The following SULF1 variants were observed in gnomAD, a reference collection of about 807,000 sequenced individuals.
SULF1 encodes sulfatase 1.
Under a neutral mutation model 110.5 loss-of-function variants are expected in SULF1, and 46 were observed. The observed-to-expected ratio is 0.42, with a 90% CI of 0.33 to 0.53. The LOEUF (loss-of-function observed/expected upper bound fraction) is 0.53. Among genes scored for constraint, SULF1 ranks in the 20% least tolerant of loss-of-function variants. SULF1 has a pLI of 0.12. For synonymous variants in SULF1, 371 were observed against 387.1 expected (o/e 0.96, Z 0.49); for missense variants, 941 against 1,094.2 (o/e 0.86, Z 1.98).
chr8:69,494,196 G>A (rs1810158524), intron 1 of SULF1, among the ~76,000 whole-genome samples: 1 of 152,030 alleles, frequency 6.6e-6, no homozygotes, highest in Non-Finnish European at 1.5e-5. Context: ...TCATTTGTAA[G>A]GCTTTATCAT....
chr8:69,634,628 G>A (rs955881618), intron 19 of SULF1, among the ~76,000 whole-genome samples: 6 of 151,866 alleles, frequency 4.0e-5, no homozygotes, highest in Admixed American at 6.6e-5. Flanking sequence ...AAAATTATCC[G>A]GGCTTGCCTG....
At chr8:69,526,816 A>AGGAAGGAAGGAG (rs1812712570) in intron 3 of SULF1, among the ~76,000 whole-genome samples, 1 of 145,342 alleles carries the variant, frequency 6.9e-6, no homozygotes, top group Non-Finnish European at 1.5e-5. Context: ...GAAGGAAGGA[A>AGGAAGGAAGGAG]GGAAGGAAGG....
chr8:69,489,123 G>A (rs1328870892), upstream of SULF1, among the ~76,000 whole-genome samples: 1 of 152,050 alleles, frequency 6.6e-6, no homozygotes, highest in East Asian at 1.9e-4. Context: ...AAATACCAAG[G>A]TAACACGTGA....
intron 1 of SULF1, among the ~76,000 whole-genome samples, chr8:69,475,261 A>T (rs769308918): frequency 2.6e-4 from 39 of 152,106 alleles, no homozygotes; most frequent in Non-Finnish European, 5.0e-4. Flanking sequence ...GTTGGACTTG[A>T]TAGCTAAACA....
intron 1 of SULF1, among the ~76,000 whole-genome samples, chr8:69,494,258 T>A (rs1486383046): frequency 6.6e-6 from 1 of 152,220 alleles, no homozygotes; most frequent in Non-Finnish European, 1.5e-5. Context: ...TGTATGTATA[T>A]GTTAGTGTGT....
chr8:69,501,366 C>T (rs999647715), intron 2 of SULF1, among the ~76,000 whole-genome samples: 2 of 152,168 alleles, frequency 1.3e-5, no homozygotes, highest in African/African-American at 4.8e-5. Context: ...ATTTTAATCA[C>T]TTACATTTTT....
intron 3 of SULF1, among the ~76,000 whole-genome samples, chr8:69,513,806 T>C (rs1243017306): frequency 6.6e-6 from 1 of 152,176 alleles, no homozygotes; most frequent in African/African-American, 2.4e-5. Flanking sequence ...TTCAGCCACA[T>C]TACAGAAAAG....
At chr8:69,511,184 G>A (rs868506810) in intron 3 of SULF1, among the ~76,000 whole-genome samples, 11 of 152,306 alleles carry the variant, frequency 7.2e-5, no homozygotes, top group Middle Eastern at 3.4e-3. Flanking sequence ...ATTAAGCAAT[G>A]AATGGGAAAC....
chr8:69,603,331 G>A lies in SULF1; in HGVS notation c.1190+11G>A, dbSNP rs1401762244. On this transcript the variant is annotated intron_variant, in intron 11 of 22. Transcript: ENST00000402687. ...AAAGCCAGGTAACAGGTGTGTCATT[G>A]TTCCTCCTCTCAGCCAGCCCCAAAT... The A allele has an allele frequency of 6.2e-7, 1 of 1,613,898 alleles. No individual in the cohort carries two copies. Among genetic ancestry groups the A allele is most frequent in the Non-Finnish European group, 8.5e-7 (1 of 1,180,024 alleles).
chr8:69,549,689 AC>A (rs1319745463), intron 3 of SULF1, among the ~76,000 whole-genome samples: 1 of 152,080 alleles, frequency 6.6e-6, no homozygotes, highest in Non-Finnish European at 1.5e-5. Context: ...AAAAGCAAGC[AC>A]CCCAGTACTA....
intron 1 of SULF1, among the ~76,000 whole-genome samples, chr8:69,467,525 G>T (rs1808906844): frequency 6.6e-6 from 1 of 152,176 alleles, no homozygotes. Flanking sequence ...CACTAGGTCG[G>T]CTTTAAAACA....
Position 69,544,748 on chromosome 8 carries a change from T to C in SULF1, c.-133-18791T>C, listed in dbSNP as rs563608315. Among the ~76,000 whole-genome samples, 37 of 152,372 alleles carry C rather than the reference T, an allele frequency of 2.4e-4. 1 individual carries two copies. The highest frequency in any genetic ancestry group is 8.7e-4 in the African/African-American group (36 of 41,594). On this transcript the variant is annotated intron_variant, in intron 3 of 22. Coordinates refer to ENST00000402687, the MANE Select transcript of SULF1 (RefSeq NM_001128205.2). ...AAGACAGATAATCAAGTTTTTCTTA[T>C]GAATAGACATGTGCCAACATTCCTG...
intron 13 of SULF1, among the ~76,000 whole-genome samples, chr8:69,607,979 A>G (rs1243522563): frequency 6.6e-6 from 1 of 152,214 alleles, no homozygotes; most frequent in African/African-American, 2.4e-5. Flanking sequence ...AGGGAAAATC[A>G]GCATGACTAG....
intron 13 of SULF1, among the ~76,000 whole-genome samples, chr8:69,606,170 C>T (rs1193240582): frequency 6.6e-6 from 1 of 152,126 alleles, no homozygotes; most frequent in Non-Finnish European, 1.5e-5. Flanking sequence ...CAACTTGATC[C>T]TTATACCCTG....
intron 1 of SULF1, among the ~76,000 whole-genome samples, chr8:69,493,945 G>A (rs1270270729): frequency 6.6e-6 from 1 of 151,800 alleles, no homozygotes; most frequent in Non-Finnish European, 1.5e-5. Flanking sequence ...CATGAAGAAA[G>A]ACACAACTTC....
At chr8:69,517,403 A>C (rs1812001807) in intron 3 of SULF1, among the ~76,000 whole-genome samples, 1 of 152,212 alleles carries the variant, frequency 6.6e-6, no homozygotes, top group Non-Finnish European at 1.5e-5. Flanking sequence ...AGCTTTTGTA[A>C]GAAGAATAAA....
At chr8:69,619,248 T>C (rs1809411917) in intron 13 of SULF1, among the ~76,000 whole-genome samples, 2 of 152,124 alleles carry the variant, frequency 1.3e-5, no homozygotes. Flanking sequence ...CAGTAGATAA[T>C]GGTACACAAC....
intron 13 of SULF1, among the ~76,000 whole-genome samples, chr8:69,607,636 T>C (rs7843047): frequency 0.38 from 57,707 of 152,106 alleles, 11,664 homozygotes; most frequent in African/African-American, 0.49. Context: ...AGTGCTGGGA[T>C]TACAGGAGCG....
At chr8:69,469,058 G>A (rs1204405404) in intron 1 of SULF1, among the ~76,000 whole-genome samples, 3 of 152,328 alleles carry the variant, frequency 2.0e-5, no homozygotes, top group East Asian at 1.9e-4. Context: ...AACGGCAGCC[G>A]TGTTTTTGTC....
Sources: allele counts gnomAD v4.1 joint callset (sites outside exome capture counted in the v4.1 genomes callset), GRCh38; gene constraint gnomAD v4.1.1; transcripts MANE v1.5; gene names NCBI Gene and HGNC (gene_info 2026-07-23, HGNC 2026-07-21).